UBE3B: variants seen among roughly 807,000 people sequenced by gnomAD.
UBE3B encodes ubiquitin-protein ligase E3B.
In UBE3B, 80 loss-of-function variants were observed where a neutral mutation model predicts 132.3. That is an observed-to-expected ratio of 0.60 (90% CI 0.50 to 0.73). The LOEUF (loss-of-function observed/expected upper bound fraction) is 0.73, where lower values mean the gene tolerates loss of function less well. Among genes scored for constraint, UBE3B ranks in the 30% least tolerant of loss-of-function variants. The pLI, the probability that UBE3B is intolerant of heterozygous loss-of-function variation, is 0.00. For synonymous variants in UBE3B, 487 were observed against 520.4 expected, an observed-to-expected ratio of 0.94 and a Z score of 0.87; for missense variants, 1,196 against 1,362.5, an observed-to-expected ratio of 0.88 and a Z score of 1.92.
At chr12:109,520,532 C>G (rs1033776992) in intron 19 of UBE3B, 1 of 152,590 alleles carries the variant, frequency 6.6e-6, no homozygotes, top group African/African-American at 2.4e-5. Flanking sequence ...TGCGTTGATC[C>G]CTGCCATCCA....
At chr12:109,540,378 A>G (rs990585537), downstream of UBE3B, among the ~76,000 whole-genome samples, 1 of 152,000 alleles carries the variant, frequency 6.6e-6, no homozygotes, top group Non-Finnish European at 1.5e-5. Context: ...CGGCTAGTTT[A>G]TTTTGTATTT....
chr12:109,490,871 C>G (rs1273155246), intron 8 of UBE3B, 174 bp from the exon 9 acceptor site: 2 of 1,087,686 alleles, frequency 1.8e-6, no homozygotes, highest in Admixed American at 6.3e-5. Flanking sequence ...AGGCTGGCCT[C>G]AAGGAATCTT....
chr12:109,485,908 C>CATA (rs1389601346), intron 4 of UBE3B, 104 bp from the exon 5 acceptor site: 2 of 1,236,730 alleles, frequency 1.6e-6, no homozygotes, highest in Non-Finnish European at 2.3e-6. Flanking sequence ...AATCACCTGG[C>CATA]ATAATACCTG....
the UBE3B span, among the ~76,000 whole-genome samples, chr12:109,543,273 C>T: frequency 6.6e-6 from 1 of 152,196 alleles, no homozygotes; most frequent in Non-Finnish European, 1.5e-5. Context: ...ACAGGTGGAG[C>T]TGGACAAGAT....
intron 18 of UBE3B, among the ~76,000 whole-genome samples, chr12:109,514,356 C>T (rs550405951): frequency 7.0e-4 from 107 of 152,266 alleles, no homozygotes; most frequent in Middle Eastern, 6.8e-3. Flanking sequence ...GAGAATGATC[C>T]GTACCCAACT....
At chr12:109,541,585 T>G (rs1883613195), downstream of UBE3B, among the ~76,000 whole-genome samples, 1 of 152,236 alleles carries the variant, frequency 6.6e-6, no homozygotes, top group Admixed American at 6.5e-5. Context: ...TAACTCTCAT[T>G]GCTGTTCTAA....
chr12:109,542,984 G>A, the UBE3B span, among the ~76,000 whole-genome samples: 1 of 152,186 alleles, frequency 6.6e-6, no homozygotes, highest in Non-Finnish European at 1.5e-5. Context: ...ACTTGGGCTG[G>A]TGGGCATCAC....
At chr12:109,523,539 C>T (rs73196285) in intron 21 of UBE3B, among the ~76,000 whole-genome samples, 7,149 of 152,316 alleles carry the variant, frequency 0.047, 265 homozygotes, top group Non-Finnish European at 0.066. Context: ...CTTTTCCTCC[C>T]GGAAGCTCCC....
chr12:109,524,254 A>G, intron 22 of UBE3B, 139 bp downstream of exon 22: 1 of 1,379,868 alleles, frequency 7.2e-7, no homozygotes, highest in Non-Finnish European at 9.9e-7. Context: ...CCCTGTGGGC[A>G]GTCCCACTTG....
At chr12:109,497,151 C>G (rs1198337676) in intron 9 of UBE3B, among the ~76,000 whole-genome samples, 1 of 151,542 alleles carries the variant, frequency 6.6e-6, no homozygotes, top group African/African-American at 2.4e-5. Flanking sequence ...TTGTAGAAAA[C>G]CTAGATAAAG....
intron 9 of UBE3B, among the ~76,000 whole-genome samples, chr12:109,493,032 A>T (rs980666749): frequency 3.9e-5 from 6 of 152,196 alleles, no homozygotes; most frequent in African/African-American, 1.4e-4. Flanking sequence ...ACACAGAAGA[A>T]CAGGATGTAA....
chr12:109,488,260 T>G (rs530319267), intron 6 of UBE3B, among the ~76,000 whole-genome samples: 76 of 152,296 alleles, frequency 5.0e-4, no homozygotes, highest in Admixed American at 7.2e-4. Flanking sequence ...GCTGCAGAGT[T>G]CAGACAGACA....
chr12:109,511,185 C>G lies in UBE3B; in HGVS notation c.1857-19C>G, dbSNP rs1366482009. 6.2e-7 allele frequency: 1 copy of G among 1,611,876 alleles called. No individual in the cohort carries two copies. Among genetic ancestry groups the G allele is most frequent in the African/African-American group, 1.3e-5 (1 of 74,884 alleles). On this transcript the variant is annotated intron_variant, in intron 17 of 27. Coordinates refer to ENST00000342494, the MANE Select transcript of UBE3B (RefSeq NM_130466.4). ...TTTCCTTCTTTTAATTCTCCCAAAC[C>G]CATGTCTTTCTTCTCAAGGGATCTC...
At chr12:109,500,839 G>A (rs537484212) in intron 12 of UBE3B, among the ~76,000 whole-genome samples, 1 of 152,360 alleles carries the variant, frequency 6.6e-6, no homozygotes, top group African/African-American at 2.4e-5. Context: ...GCCGTACTCA[G>A]GGGTGGCGGC....
intron 1 of UBE3B, among the ~76,000 whole-genome samples, chr12:109,479,871 T>G (rs1030037352): frequency 3.3e-5 from 5 of 152,204 alleles, no homozygotes; most frequent in Admixed American, 6.5e-5. Context: ...ACTTTGTTTT[T>G]CTTTTGGGAA....
In UBE3B at chr12:109,483,541, A is replaced by G; in HGVS notation, c.-11A>G. ...CCATTTTCCTTGCAGGGTTTGTGCAAGTTTGCAAACATGTTCACCCTGTCT... is the reference window on the plus strand; with the variant it reads ...CCATTTTCCTTGCAGGGTTTGTGCAGGTTTGCAAACATGTTCACCCTGTCT... On this transcript the variant is annotated 5_prime_UTR_variant, in exon 3 of 28. Transcript: ENST00000342494. The G allele has an allele frequency of 6.4e-7, 1 of 1,551,348 alleles. No homozygotes were observed. Among genetic ancestry groups the G allele is most frequent in the Non-Finnish European group, 8.7e-7 (1 of 1,152,856 alleles).
At chr12:109,503,480 G>GT (rs1879256644) in intron 14 of UBE3B, among the ~76,000 whole-genome samples, 2 of 151,474 alleles carry the variant, frequency 1.3e-5, no homozygotes, top group Non-Finnish European at 2.9e-5. Context: ...AAAAAAGATA[G>GT]GGTTGCAAAA....
chr12:109,531,283 A>G (rs1352678510), intron 26 of UBE3B, among the ~76,000 whole-genome samples: 3 of 152,196 alleles, frequency 2.0e-5, no homozygotes, highest in Non-Finnish European at 4.4e-5. Context: ...TGTTCAAAAT[A>G]TTCCCCTAAT....
chr12:109,521,010 T>C lies in UBE3B; in HGVS notation c.2077-138T>C. The C allele has an allele frequency of 1.1e-6, 1 of 923,182 alleles. No homozygotes were observed. The highest frequency in any genetic ancestry group is 1.8e-5 in the South Asian group (1 of 56,970). 57.2% of individuals were successfully genotyped at this position (923,182 alleles called of 1,614,324 possible). ...TCATTCAAAAGCAGGTGAGAACGGC[T>C]CCTGTCATGCATCCACGTTTCATAA... is the stretch of plus-strand genomic sequence containing the variant. On this transcript the variant is annotated intron_variant, in intron 19 of 27. Transcript: ENST00000342494. This position sits in a 1 kb window ranked among gnomAD's most constrained non-coding sequence, Gnocchi z 4.2.
Sources: gnomAD v4.1 joint callset for allele counts (sites outside exome capture counted in the v4.1 genomes callset) on GRCh38, gnomAD v4.1.1 for gene constraint, Gnocchi (gnomAD v3.1) non-coding constraint, MANE v1.5 for transcripts, NCBI Gene and HGNC (gene_info 2026-07-23, HGNC 2026-07-21) for gene names.